PCYT1B: variants seen among roughly 807,000 people sequenced by gnomAD.
PCYT1B encodes phosphate cytidylyltransferase 1B, choline, also known as choline-phosphate cytidylyltransferase B.
PCYT1B carries 10 observed loss-of-function variants against 26.4 expected under a neutral mutation model. The observed-to-expected ratio is 0.38, with a 90% confidence interval of 0.23 to 0.64. PCYT1B has a LOEUF of 0.64. PCYT1B is among the 30% of genes least tolerant of loss of function. PCYT1B has a pLI of 0.56. For synonymous variants in PCYT1B, 131 were observed against 108.4 expected (o/e 1.21, Z -1.29); for missense variants, 161 against 292.7 (o/e 0.55, Z 3.28).
At chrX:24,647,616 A>G (rs1330924912), upstream of PCYT1B, among the ~76,000 whole-genome samples, 2 of 112,535 alleles carry the variant, frequency 1.8e-5, no homozygotes, top group East Asian at 5.6e-4. Context: ...ACAACATAGC[A>G]GACCTCCACT....
intron 4 of PCYT1B, among the ~76,000 whole-genome samples, chrX:24,588,692 T>A (rs1397356947): frequency 9.0e-6 from 1 of 111,118 alleles, no homozygotes; most frequent in Non-Finnish European, 1.9e-5. Flanking sequence ...GTGTCGGGAG[T>A]TGTCCTGTGC....
chrX:24,614,690 T>A (rs1467601063), intron 2 of PCYT1B, among the ~76,000 whole-genome samples: 1 of 112,289 alleles, frequency 8.9e-6, no homozygotes, highest in Non-Finnish European at 1.9e-5. Flanking sequence ...TTCTTGAAAC[T>A]CTTGAAACCA....
intron 1 of PCYT1B, among the ~76,000 whole-genome samples, chrX:24,639,871 C>T (rs1332202740): frequency 9.0e-6 from 1 of 111,130 alleles, no homozygotes; most frequent in Admixed American, 9.6e-5. Context: ...AAGAGACATT[C>T]CCTTCATCAG....
chrX:24,588,797 C>T (rs1045633075), intron 4 of PCYT1B, among the ~76,000 whole-genome samples: 2 of 111,748 alleles, frequency 1.8e-5, no homozygotes, highest in African/African-American at 6.5e-5. Flanking sequence ...AAATGTTCCT[C>T]AGGGCAAACT....
chrX:24,569,750 G>A (rs1408754821), intron 7 of PCYT1B, among the ~76,000 whole-genome samples: 2 of 112,075 alleles, frequency 1.8e-5, no homozygotes, highest in Non-Finnish European at 3.8e-5. Context: ...GGGGCTGGGG[G>A]CAGAAGGGGA....
chrX:24,645,235 C>A (rs1167736395), intron 1 of PCYT1B, among the ~76,000 whole-genome samples: 1 of 111,465 alleles, frequency 9.0e-6, no homozygotes, highest in Non-Finnish European at 1.9e-5. Flanking sequence ...TGCCGCCTTT[C>A]TCTCCTCTGC....
intron 1 of PCYT1B, chrX:24,658,083 T>C (rs1008851867): frequency 6.8e-4 from 76 of 111,844 alleles, no homozygotes; most frequent in African/African-American, 2.3e-3. Context: ...GTCCTGAGGA[T>C]TGTGCCGGGG....
chrX:24,639,598 G>A (rs754273469), intron 1 of PCYT1B, among the ~76,000 whole-genome samples: 1 of 111,616 alleles, frequency 9.0e-6, no homozygotes, highest in East Asian at 2.8e-4. Flanking sequence ...TCCTGGGGCT[G>A]GACTCAACTA....
At chrX:24,577,031 C>T (rs770627003) in intron 6 of PCYT1B, among the ~76,000 whole-genome samples, 8 of 111,927 alleles carry the variant, frequency 7.1e-5, no homozygotes, top group Admixed American at 2.9e-4. Context: ...CAGGGCAGCA[C>T]AGAATAGCTG....
chrX:24,571,321 G>A (rs1244312262), intron 7 of PCYT1B, among the ~76,000 whole-genome samples: 1 of 111,246 alleles, frequency 9.0e-6, no homozygotes, highest in East Asian at 2.8e-4. Flanking sequence ...CCGAGATCGC[G>A]CCATTGCATT....
At chrX:24,639,092 C>T (rs779925986) in intron 1 of PCYT1B, among the ~76,000 whole-genome samples, 1 of 112,432 alleles carries the variant, frequency 8.9e-6, no homozygotes, top group East Asian at 2.8e-4. Flanking sequence ...TAAGATCATG[C>T]AACCTGTTTT....
At chrX:24,646,609 A>C (rs1926633860) in intron 1 of PCYT1B, among the ~76,000 whole-genome samples, 1 of 111,467 alleles carries the variant, frequency 9.0e-6, no homozygotes, top group African/African-American at 3.3e-5. Context: ...TTCCTTAGCT[A>C]GAATTTAAAA....
At chrX:24,564,308 C>A (rs1923543066) in intron 7 of PCYT1B, among the ~76,000 whole-genome samples, 1 of 111,380 alleles carries the variant, frequency 9.0e-6, no homozygotes, top group Non-Finnish European at 1.9e-5. Context: ...GTATAATAAA[C>A]TCACCCTTTT....
intron 6 of PCYT1B, 113 bp downstream of exon 6, chrX:24,579,200 AGAG>A: frequency 4.0e-6 from 2 of 499,842 alleles, no homozygotes; most frequent in Non-Finnish European, 5.9e-6. Flanking sequence ...AAAAAAAAAA[AGAG>A]AGAGAGAGAG....
At chrX:24,629,559 C>CAAAAAAAAAAAAAAAAA (rs1165553186) in intron 1 of PCYT1B, among the ~76,000 whole-genome samples, 1 of 16,098 alleles carries the variant, frequency 6.2e-5, no homozygotes, top group Non-Finnish European at 1.0e-4. Flanking sequence ...GACCCTGTCT[C>CAAAAAAAAAAAAAAAAA]AAAAAAAAAA....
rs1305730963 is a variant in PCYT1B at position 24,575,206 on chromosome X, A to T, written c.821T>A (p.Leu274Gln). ...TGACTTCTCTTCCCACTTTTGAATTAGATCATGGCTCTTTTCTTCCACTCT... is the reference window on the plus strand; with the variant it reads ...TGACTTCTCTTCCCACTTTTGAATTTGATCATGGCTCTTTTCTTCCACTCT... ...VNRVEEKSHD[L>Q]IQKWEEKSRE... The change falls in exon 7 of 8, where the codon CTA becomes CAA. Residue 274 changes from leucine (L) to glutamine (Q), a missense_variant. By Grantham distance (113) the Leu-to-Gln change is moderately radical. Transcript: ENST00000379144. 1.7e-6 allele frequency: 2 copies of T among 1,207,113 alleles called. No homozygotes were observed. Among genetic ancestry groups the T allele is most frequent in the South Asian group, 3.5e-5 (2 of 56,400 alleles).
chrX:24,621,980 T>C (rs1472226397), intron 1 of PCYT1B: 1 of 135,553 alleles, frequency 7.4e-6, no homozygotes, highest in Non-Finnish European at 1.3e-5. Context: ...TTGTTCTTAA[T>C]TATTATGGCC....
intron 1 of PCYT1B, among the ~76,000 whole-genome samples, chrX:24,629,580 A>C (rs1387472249): frequency 5.0e-5 from 5 of 100,133 alleles, no homozygotes; most frequent in African/African-American, 7.1e-5. Flanking sequence ...AAAAAAAAAA[A>C]AAAAAAAAAA....
intron 3 of PCYT1B, among the ~76,000 whole-genome samples, chrX:24,601,811 C>T (rs1246454715): frequency 8.9e-6 from 1 of 111,972 alleles, no homozygotes; most frequent in Non-Finnish European, 1.9e-5. Flanking sequence ...AAGGACATGA[C>T]GCAATAGGAT....
Sources: gnomAD v4.1 joint callset for allele counts (sites outside exome capture counted in the v4.1 genomes callset) on GRCh38, gnomAD v4.1.1 for gene constraint, MANE v1.5 for transcripts, NCBI Gene and HGNC (gene_info 2026-07-23, HGNC 2026-07-21) for gene names.